Variants in FHOD3 observed in about 807,000 individuals in gnomAD.
The protein encoded by FHOD3 is FH1/FH2 domain-containing protein 3.
Under a neutral mutation model 173.0 loss-of-function variants are expected in FHOD3, and 90 were observed. The observed-to-expected ratio is 0.52, with a 90% CI of 0.44 to 0.62. The LOEUF (loss-of-function observed/expected upper bound fraction) is 0.62. Ranked by LOEUF, FHOD3 falls within the 20% of genes least tolerant of loss-of-function variation. FHOD3 has a pLI of 0.00. For missense variants in FHOD3, 1,945 were observed against 2,034.7 expected (o/e 0.96, Z 0.85); for synonymous variants, 828 against 823.0 (o/e 1.01, Z -0.10).
chr18:36,415,823 T>C (rs1045648395), intron 3 of FHOD3, among the ~76,000 whole-genome samples: 2 of 152,170 alleles, frequency 1.3e-5, no homozygotes, highest in Admixed American at 6.5e-5. Flanking sequence ...GACTACATAA[T>C]AAGGGTGGCA....
At position 36,372,672 on chromosome 18, in the gene FHOD3, C is replaced by A; in HGVS notation, c.273-8C>A. 6.2e-7 allele frequency: 1 copy of A among 1,613,676 alleles called. No individual in the cohort carries two copies. The highest frequency in any genetic ancestry group is 8.5e-7 in the Non-Finnish European group (1 of 1,179,790). On this transcript the variant is annotated splice_region_variant and splice_polypyrimidine_tract_variant and intron_variant, in intron 2 of 28. Transcript: ENST00000590592. ...CTGATGCCCCTGTTTTGTCTCCTGTCTCGTTAGGCGGGGCAAGAAGCACAG... is the reference window on the plus strand; with the variant it reads ...CTGATGCCCCTGTTTTGTCTCCTGTATCGTTAGGCGGGGCAAGAAGCACAG...
At chr18:36,512,664 G>C in intron 5 of FHOD3, 121 bp downstream of exon 5, 1 of 686,004 alleles carries the variant, frequency 1.5e-6, no homozygotes, top group Non-Finnish European at 2.5e-6. Flanking sequence ...AGGTGGTAAA[G>C]ACACCCTTTG....
chr18:36,503,589 G>T (rs1599411354), intron 4 of FHOD3, among the ~76,000 whole-genome samples: 1 of 152,150 alleles, frequency 6.6e-6, no homozygotes, highest in East Asian at 1.9e-4. Context: ...GTGCACCCTT[G>T]CTCCACCACA....
chr18:36,704,042 C>G (rs969719186), intron 17 of FHOD3, among the ~76,000 whole-genome samples: 2 of 152,098 alleles, frequency 1.3e-5, no homozygotes, highest in African/African-American at 4.8e-5. Flanking sequence ...CAGCCCAGTA[C>G]CCTGTTATGT....
intron 19 of FHOD3, among the ~76,000 whole-genome samples, chr18:36,725,581 C>G (rs150729068): frequency 4.2e-4 from 64 of 152,180 alleles, no homozygotes; most frequent in Non-Finnish European, 8.4e-4. Context: ...TGGTATCATA[C>G]CCAAGTCAGC....
intron 19 of FHOD3, among the ~76,000 whole-genome samples, chr18:36,721,142 T>C (rs1404672549): frequency 3.3e-5 from 5 of 152,190 alleles, no homozygotes; most frequent in Admixed American, 6.5e-5. Context: ...GCCTAGCTAA[T>C]AGACAAATGT....
chr18:36,777,747 T>TGTCTTGTTGAGCCAAACATTCA (rs1184510650), intron 28 of FHOD3: 1 of 152,204 alleles, frequency 6.6e-6, no homozygotes, highest in African/African-American at 2.4e-5. Context: ...CCAAACATTT[T>TGTCTTGTTGAGCCAAACATTCA]GTCTTGTTGA....
At chr18:36,376,722 C>T (rs2047456287) in intron 3 of FHOD3, among the ~76,000 whole-genome samples, 1 of 152,250 alleles carries the variant, frequency 6.6e-6, no homozygotes, top group Admixed American at 6.5e-5. Context: ...GCAACAGAAA[C>T]ATCAACAGCA....
intron 2 of FHOD3, among the ~76,000 whole-genome samples, chr18:36,362,116 G>C (rs1288855879): frequency 6.6e-6 from 1 of 152,236 alleles, no homozygotes; most frequent in Non-Finnish European, 1.5e-5. Context: ...CCTGCAAAGA[G>C]AGCCCCCACA....
At chr18:36,760,923 C>T (rs1340433767) in intron 27 of FHOD3, 141 bp downstream of exon 27, 2 of 820,130 alleles carry the variant, frequency 2.4e-6, no homozygotes, top group Non-Finnish European at 3.6e-6. Flanking sequence ...CATTCCCTCA[C>T]TAGCGTCTTC....
At chr18:36,350,690 G>A (rs1012374131) in intron 1 of FHOD3, among the ~76,000 whole-genome samples, 1 of 152,154 alleles carries the variant, frequency 6.6e-6, no homozygotes, top group Non-Finnish European at 1.5e-5. Context: ...TCCCCGGTGG[G>A]GACTGGTCTG....
At chr18:36,355,392 C>T in intron 1 of FHOD3, 147 bp from the exon 2 acceptor site, 1 of 638,756 alleles carries the variant, frequency 1.6e-6, no homozygotes, top group South Asian at 1.9e-5. Flanking sequence ...TCTATTTGCA[C>T]TAACATACTA....
At chr18:36,546,982 G>C (rs1415386882) in intron 5 of FHOD3, among the ~76,000 whole-genome samples, 1 of 152,206 alleles carries the variant, frequency 6.6e-6, no homozygotes, top group African/African-American at 2.4e-5. Context: ...TTTGGCTTCA[G>C]ACTAGAGCAT....
Position 36,653,505 on chromosome 18 carries a change from C to T in FHOD3, c.1721+89C>T, listed in dbSNP as rs2036206701. 4.3e-6 allele frequency: 4 copies of T among 935,684 alleles called. No homozygotes were observed. The South Asian group carries it at 6.3e-5, about 15-fold the overall frequency. 58.0% of individuals were successfully genotyped at this position (935,684 alleles called of 1,614,324 possible). On this transcript the variant is annotated intron_variant, in intron 13 of 28. Coordinates refer to ENST00000590592, the MANE Select transcript of FHOD3 (RefSeq NM_001281740.3). ...TTTTCTTTTCAAAGAATGCTAATATCTTCCTACAACGTGACACACAATTAC... is the reference window on the plus strand; with the variant it reads ...TTTTCTTTTCAAAGAATGCTAATATTTTCCTACAACGTGACACACAATTAC...
chr18:36,757,875 C>T (rs2042698039), intron 25 of FHOD3, among the ~76,000 whole-genome samples: 1 of 152,126 alleles, frequency 6.6e-6, no homozygotes, highest in African/African-American at 2.4e-5. Flanking sequence ...GCCTTTCTGC[C>T]GCATTCACAC....
chr18:36,305,640 CAG>C (rs1171314519), intron 1 of FHOD3, among the ~76,000 whole-genome samples: 15 of 152,156 alleles, frequency 9.9e-5, no homozygotes, highest in Non-Finnish European at 1.5e-4. Context: ...ACTGCTTGAT[CAG>C]AGCCAAAGAG....
chr18:36,716,696 A>G (rs1199136344), intron 18 of FHOD3, among the ~76,000 whole-genome samples: 4 of 152,186 alleles, frequency 2.6e-5, no homozygotes, highest in Non-Finnish European at 5.9e-5. Flanking sequence ...GTGCAACACA[A>G]AAGTCACTGG....
intron 3 of FHOD3, among the ~76,000 whole-genome samples, chr18:36,479,478 C>G (rs1164000447): frequency 6.6e-6 from 1 of 152,100 alleles, no homozygotes; most frequent in Non-Finnish European, 1.5e-5. Context: ...TTGGTAGTGT[C>G]ATAAGTTTAC....
intron 5 of FHOD3, among the ~76,000 whole-genome samples, chr18:36,567,247 C>T (rs994579774): frequency 1.3e-4 from 20 of 151,926 alleles, no homozygotes; most frequent in African/African-American, 4.6e-4. Context: ...AAAGGGCTAC[C>T]AGTTTTAAAA....
Sources: gnomAD v4.1 joint callset for allele counts (sites outside exome capture counted in the v4.1 genomes callset) on GRCh38, gnomAD v4.1.1 for gene constraint, MANE v1.5 for transcripts, NCBI Gene and HGNC (gene_info 2026-07-23, HGNC 2026-07-21) for gene names.